Variants in COL27A1 observed in about 807,000 individuals in gnomAD.
COL27A1 encodes collagen type XXVII alpha 1 chain, also known as collagen alpha-1(XXVII) chain.
In COL27A1, 106 loss-of-function variants were observed where a neutral mutation model predicts 251.3. The ratio of observed to expected loss-of-function variants is 0.42; its 90% confidence interval spans 0.36 to 0.50. COL27A1 has a LOEUF of 0.50. COL27A1 is among the 20% of genes least tolerant of loss of function. The pLI, the probability that COL27A1 is intolerant of heterozygous loss-of-function variation, is 0.00. For synonymous variants in COL27A1, 1,000 were observed against 986.3 expected, an observed-to-expected ratio of 1.01 and a Z score of -0.26; for missense variants, 2,325 against 2,522.8, an observed-to-expected ratio of 0.92 and a Z score of 1.68.
intron 12 of COL27A1, among the ~76,000 whole-genome samples, chr9:114,213,239 G>A (rs939243429): frequency 6.6e-5 from 10 of 152,018 alleles, no homozygotes; most frequent in Non-Finnish European, 1.3e-4. Context: ...TTCTCCAACC[G>A]GACACAGCAA....
At chr9:114,227,287 G>A (rs979201973) in intron 14 of COL27A1, among the ~76,000 whole-genome samples, 14 of 148,942 alleles carry the variant, frequency 9.4e-5, no homozygotes, top group Non-Finnish European at 1.5e-4. Context: ...GTGAGACATA[G>A]CAATAGGAAA....
chr9:114,251,481 C>A (rs1210696795), intron 25 of COL27A1, among the ~76,000 whole-genome samples: 1 of 152,144 alleles, frequency 6.6e-6, no homozygotes, highest in African/African-American at 2.4e-5. Context: ...TTAAATTCAG[C>A]TTTTTATCTT....
chr9:114,304,747 T>C (rs1011342685), intron 57 of COL27A1, 74 bp downstream of exon 57: 79 of 1,319,794 alleles, frequency 6.0e-5, no homozygotes, highest in Non-Finnish European at 7.5e-5. Context: ...CCACATGTGG[T>C]CAGTGCCTTC....
chr9:114,299,448 T>A (rs1181759094), intron 49 of COL27A1, among the ~76,000 whole-genome samples: 1 of 152,154 alleles, frequency 6.6e-6, no homozygotes, highest in African/African-American at 2.4e-5. Flanking sequence ...CTCCTAACCC[T>A]TTACAAGATT....
intron 12 of COL27A1, 58 bp downstream of exon 12, chr9:114,211,084 C>T: frequency 1.3e-6 from 2 of 1,555,720 alleles, no homozygotes; most frequent in Non-Finnish European, 1.8e-6. Flanking sequence ...CCTCCCACGG[C>T]CACGCTGCCC....
At chr9:114,173,407 G>A (rs1348160091) in intron 3 of COL27A1, among the ~76,000 whole-genome samples, 2 of 152,260 alleles carry the variant, frequency 1.3e-5, no homozygotes, top group African/African-American at 4.8e-5. Flanking sequence ...TGACTCCCAG[G>A]CGGGGTTCCT....
At chr9:114,183,295 G>T (rs1480821435) in intron 5 of COL27A1, among the ~76,000 whole-genome samples, 1 of 152,244 alleles carries the variant, frequency 6.6e-6, no homozygotes, top group Non-Finnish European at 1.5e-5. Flanking sequence ...GAGTCGGGCA[G>T]TTGGAACCCA....
At position 114,231,114 on chromosome 9, in the gene COL27A1, G is replaced by A. The variant is rs372146123; in HGVS notation, c.2502G>A (p.Pro834=). 99 of 1,613,164 alleles carry A rather than the reference G, an allele frequency of 6.1e-5. No homozygotes were observed. Among genetic ancestry groups the A allele is most frequent in the Admixed American group, 2.5e-4 (15 of 59,950 alleles). Residue 834 remains proline, a synonymous_variant, in exon 15 of 61, where the codon CCG becomes CCA. Transcript: ENST00000356083. ...DLGVLGPIGY[P]GPKGMKGLMG... ...GAGTGTTGGGTCCGATTGGCTACCC[G>A]GGACCCAAGGGCATGAAGGTAAGCA...
At chr9:114,184,950 G>A (rs569124717) in intron 5 of COL27A1, among the ~76,000 whole-genome samples, 1 of 152,306 alleles carries the variant, frequency 6.6e-6, no homozygotes, top group East Asian at 1.9e-4. Flanking sequence ...TCTGGGACCA[G>A]TGGAGCCTGT....
chr9:114,170,478 C>T (rs979370331), intron 3 of COL27A1, among the ~76,000 whole-genome samples: 4 of 152,160 alleles, frequency 2.6e-5, no homozygotes, highest in South Asian at 2.1e-4. Context: ...TTCCTGAAGC[C>T]GGCTCTCCCA....
Position 114,201,071 on chromosome 9 carries a change from G to C in COL27A1, c.2125-4031G>C, listed in dbSNP as rs77630766. Among the ~76,000 whole-genome samples, 1,054 of 152,312 alleles carry C rather than the reference G, an allele frequency of 6.9e-3. 11 individuals are homozygous for C. The highest frequency in any genetic ancestry group is 0.024 in the African/African-American group (992 of 41,558). ...TTGTAGCAACAGTGAGGTGATGTCTGGTTTCTCCTTGCGCATTGTAAGCAA... is the reference window on the plus strand; with the variant it reads ...TTGTAGCAACAGTGAGGTGATGTCTCGTTTCTCCTTGCGCATTGTAAGCAA... On this transcript the variant is annotated intron_variant, in intron 7 of 60. Coordinates refer to ENST00000356083, the MANE Select transcript of COL27A1 (RefSeq NM_032888.4).
At chr9:114,300,214 C>T (rs1400858337) in intron 50 of COL27A1, 91 bp downstream of exon 50, 3 of 1,348,262 alleles carry the variant, frequency 2.2e-6, no homozygotes, top group Non-Finnish European at 3.2e-6. Flanking sequence ...TTATGGAGCA[C>T]TGAAAACATT....
chr9:114,210,926 C>A, intron 11 of COL27A1, 56 bp from the exon 12 acceptor site: 1 of 1,595,824 alleles, frequency 6.3e-7, no homozygotes, highest in Non-Finnish European at 8.6e-7. Context: ...TTGGGGCAAG[C>A]CTGGCTGTCC....
In COL27A1 at chr9:114,309,217, TG is replaced by T. The variant is rs774154118; in HGVS notation, c.5218-37del. On this transcript the variant is annotated intron_variant, in intron 59 of 60. Transcript: ENST00000356083. ...CAGGGAACCCTCGGTGTGGGGGGTG[TG>T]GGGGGCAGCCTGAGCCGCTCACTGC... 4.5e-6 allele frequency: 7 copies of T among 1,566,890 alleles called. No homozygotes were observed. The African/African-American group carries it at 6.8e-5, about 15-fold the overall frequency.
intron 3 of COL27A1, among the ~76,000 whole-genome samples, chr9:114,174,782 C>T (rs888549065): frequency 1.2e-4 from 19 of 152,192 alleles, no homozygotes; most frequent in Admixed American, 5.9e-4. Flanking sequence ...CCAAGAAGCT[C>T]TGTTCCAGCA....
chr9:114,197,454 TC>T (rs1196746818), intron 7 of COL27A1, among the ~76,000 whole-genome samples: 4 of 152,194 alleles, frequency 2.6e-5, no homozygotes, highest in Non-Finnish European at 5.9e-5. Context: ...GGACTTGCGC[TC>T]CCCACTTACT....
intron 49 of COL27A1, among the ~76,000 whole-genome samples, chr9:114,294,571 A>G (rs1249730): frequency 0.36 from 54,999 of 152,132 alleles, 9,994 homozygotes; most frequent in South Asian, 0.42. Flanking sequence ...CACTATATTA[A>G]CAGACTCAAA....
chr9:114,200,401 T>G (rs961556047), intron 7 of COL27A1, among the ~76,000 whole-genome samples: 5 of 152,322 alleles, frequency 3.3e-5, no homozygotes, highest in African/African-American at 1.2e-4. Flanking sequence ...CCACATCCCC[T>G]TGTAGAAGGT....
chr9:114,175,988 G>C (rs1247461702), intron 3 of COL27A1, among the ~76,000 whole-genome samples: 1 of 152,168 alleles, frequency 6.6e-6, no homozygotes, highest in Non-Finnish European at 1.5e-5. Context: ...GAAGAGAAGG[G>C]ACTTACTCAA....
Sources: allele counts gnomAD v4.1 joint callset (sites outside exome capture counted in the v4.1 genomes callset), GRCh38; gene constraint gnomAD v4.1.1; transcripts MANE v1.5; gene names NCBI Gene and HGNC (gene_info 2026-07-23, HGNC 2026-07-21).